Variants in CENATAC observed in about 807,000 individuals in gnomAD.
CENATAC encodes coiled-coil domain containing 84.
CENATAC carries 53 observed loss-of-function variants against 53.7 expected under a neutral mutation model. That is an observed-to-expected ratio of 0.99 (90% CI 0.79 to 1.24). The LOEUF is 1.24. Ranked by LOEUF, CENATAC falls within the 50% of genes most tolerant of loss-of-function variation. CENATAC has a pLI of 0.00. For synonymous variants in CENATAC, 156 were observed against 144.6 expected (o/e 1.08, Z -0.57); for missense variants, 474 against 417.8 (o/e 1.13, Z -1.17).
At chr11:119,004,129 G>A (rs1203315259) in intron 3 of CENATAC, among the ~76,000 whole-genome samples, 1 of 152,164 alleles carries the variant, frequency 6.6e-6, no homozygotes, top group Non-Finnish European at 1.5e-5. Context: ...TTACTCAAAG[G>A]CATCATGAGT....
Position 119,012,223 on chromosome 11 carries a change from C to A in CENATAC, c.653C>A (p.Thr218Lys), listed in dbSNP as rs1390891414. 6.2e-7 allele frequency: 1 copy of A among 1,614,120 alleles called. No homozygotes were observed. Among genetic ancestry groups the A allele is most frequent in the Non-Finnish European group, 8.5e-7 (1 of 1,180,018 alleles). ...GCTCCAGAGCTTGACTGGATGGAGA[C>A]AGGACCATCTCTGACATTCATTGGC... ...PPAPELDWME[T>K]GPSLTFIGHQ... The change falls in exon 7 of 11, where the codon ACA (threonine) becomes AAA (lysine). Residue 218 changes from threonine (T) to lysine (K), a missense_variant. By Grantham distance (78) the Thr-to-Lys change is moderately conservative (BLOSUM62 -1). Coordinates refer to ENST00000334418, the MANE Select transcript of CENATAC (RefSeq NM_198489.3).
chr11:119,014,890 C>T (rs1471141627), intron 8 of CENATAC, 104 bp from the exon 9 acceptor site: 1 of 731,210 alleles, frequency 1.4e-6, no homozygotes, highest in East Asian at 2.7e-5. Context: ...TGCTTTTAGA[C>T]ATTTCTAGCT....
Position 119,012,193 on chromosome 11 carries a change from C to T in CENATAC, c.623C>T (p.Pro208Leu). Residue 208 changes from proline (P) to leucine (L), a missense_variant, in exon 7 of 11, where the codon CCA becomes CTA. Physicochemically the swap from Pro to Leu is moderately conservative, Grantham distance 98 (BLOSUM62 -3). Transcript: ENST00000334418. ...SLQQPSNLDL[P>L]PAPELDWMET... ...CAGCAGCCCTCAAATTTGGACCTGC[C>T]ACCAGCTCCAGAGCTTGACTGGATG... 1 of 1,614,122 alleles carries T rather than the reference C, an allele frequency of 6.2e-7. No individual in the cohort carries two copies. Among genetic ancestry groups the T allele is most frequent in the Non-Finnish European group, 8.5e-7 (1 of 1,180,010 alleles).
intron 2 of CENATAC, among the ~76,000 whole-genome samples, chr11:118,998,799 C>T (rs535588770): frequency 5.3e-4 from 81 of 152,224 alleles, no homozygotes; most frequent in Non-Finnish European, 9.4e-4. Flanking sequence ...TGCGAGAGCC[C>T]GCTTGGTTAC....
intron 3 of CENATAC, among the ~76,000 whole-genome samples, chr11:119,005,294 G>A (rs1445668693): frequency 1.3e-5 from 2 of 151,646 alleles, no homozygotes; most frequent in Non-Finnish European, 2.9e-5. Flanking sequence ...GTGAAACCCC[G>A]TCTCTACTAA....
chr11:119,014,906 TGAG>T (rs954904171), intron 8 of CENATAC, 85 bp from the exon 9 acceptor site: 51 of 848,292 alleles, frequency 6.0e-5, no homozygotes, highest in Admixed American at 4.6e-4. Flanking sequence ...TAGCTCTTAA[TGAG>T]GAGAGGTAAG....
At chr11:119,000,975 A>G (rs2134521730) in intron 3 of CENATAC, among the ~76,000 whole-genome samples, 1 of 152,192 alleles carries the variant, frequency 6.6e-6, no homozygotes, top group East Asian at 1.9e-4. Flanking sequence ...GTAGATCCTA[A>G]TCTACAGTAC....
intron 3 of CENATAC, among the ~76,000 whole-genome samples, chr11:119,002,319 G>T (rs1254557185): frequency 6.7e-6 from 1 of 148,766 alleles, no homozygotes; most frequent in Non-Finnish European, 1.5e-5. Context: ...AAAATGTTTA[G>T]AGTTGATAGG....
At chr11:119,008,339 TAATAAG>T (rs1942703882) in intron 3 of CENATAC, among the ~76,000 whole-genome samples, 1 of 152,174 alleles carries the variant, frequency 6.6e-6, no homozygotes, top group Non-Finnish European at 1.5e-5. Flanking sequence ...AGCAGGGTGA[TAATAAG>T]GAGAAGGTCA....
chr11:118,999,085 T>C lies in CENATAC; in HGVS notation c.359T>C (p.Leu120Pro). The C allele has an allele frequency of 6.2e-7, 1 of 1,614,084 alleles. No individual in the cohort carries two copies. Among genetic ancestry groups the C allele is most frequent in the Non-Finnish European group, 8.5e-7 (1 of 1,179,922 alleles). ...GAGGTCCAGATGAAAGAGAAGTTTCTGGTCACTCCCCAGGATTATGCGCGG... is the reference window on the plus strand; with the variant it reads ...GAGGTCCAGATGAAAGAGAAGTTTCCGGTCACTCCCCAGGATTATGCGCGG... ...KAEVQMKEKF[L>P]VTPQDYARFK... Residue 120 changes from leucine (L) to proline (P), a missense_variant, in exon 3 of 11, where the codon CTG becomes CCG. Coordinates refer to ENST00000334418, the MANE Select transcript of CENATAC (RefSeq NM_198489.3).
chr11:119,015,440 G>C lies in CENATAC; in HGVS notation c.938+1G>C, dbSNP rs781888131. 3.2e-5 allele frequency: 51 copies of C among 1,613,954 alleles called. No individual in the cohort carries two copies. The highest frequency in any genetic ancestry group is 3.9e-5 in the Non-Finnish European group (46 of 1,179,922). On this transcript the variant is annotated splice_donor_variant, in intron 10 of 10. Coordinates refer to ENST00000334418, the MANE Select transcript of CENATAC (RefSeq NM_198489.3). LOFTEE classifies it high-confidence loss of function. ...ATAATGGACGCCGCTGGCAGTCCAGGTATGTGTGTTCAGTGCCGGGTCTCC... is the reference window on the plus strand; with the variant it reads ...ATAATGGACGCCGCTGGCAGTCCAGCTATGTGTGTTCAGTGCCGGGTCTCC...
At chr11:119,001,864 C>G in intron 3 of CENATAC, 1 of 320,094 alleles carries the variant, frequency 3.1e-6, no homozygotes, top group Non-Finnish European at 6.3e-6. Flanking sequence ...TGAGGCCATC[C>G]TGGGCAGTGT....
At chr11:119,008,529 G>C (rs1942715855) in intron 3 of CENATAC, among the ~76,000 whole-genome samples, 1 of 152,206 alleles carries the variant, frequency 6.6e-6, no homozygotes, top group African/African-American at 2.4e-5. Flanking sequence ...CCACAGGGCA[G>C]CTTTTCTCCC....
intron 3 of CENATAC, among the ~76,000 whole-genome samples, chr11:119,000,188 T>C (rs1942221244): frequency 6.6e-6 from 1 of 152,262 alleles, no homozygotes; most frequent in Non-Finnish European, 1.5e-5. Flanking sequence ...TCTAAAATTA[T>C]CAAACCATCC....
chr11:118,999,514 A>G (rs1039472861), intron 3 of CENATAC, among the ~76,000 whole-genome samples: 1 of 152,200 alleles, frequency 6.6e-6, no homozygotes, highest in Admixed American at 6.5e-5. Context: ...GCTGGAGTGC[A>G]ATGGCACAAT....
chr11:119,008,907 C>T (rs1396925058), intron 3 of CENATAC, among the ~76,000 whole-genome samples: 1 of 152,206 alleles, frequency 6.6e-6, no homozygotes, highest in Non-Finnish European at 1.5e-5. Flanking sequence ...ACGTCCTACA[C>T]AGCCCTAGGT....
intron 10 of CENATAC, 45 bp downstream of exon 10, chr11:119,015,484 C>T (rs564581029): frequency 6.2e-7 from 1 of 1,613,924 alleles, no homozygotes; most frequent in African/African-American, 1.3e-5. Flanking sequence ...CATCCAACCT[C>T]CTTTTTGGAG....
At chr11:119,014,898 G>C in intron 8 of CENATAC, 96 bp from the exon 9 acceptor site, 2 of 790,262 alleles carry the variant, frequency 2.5e-6, no homozygotes, top group Non-Finnish European at 4.0e-6. Context: ...GACATTTCTA[G>C]CTCTTAATGA....
intron 3 of CENATAC, among the ~76,000 whole-genome samples, chr11:118,999,559 A>G (rs1262345668): frequency 6.6e-6 from 1 of 152,164 alleles, no homozygotes; most frequent in Non-Finnish European, 1.5e-5. Flanking sequence ...CCTGGATTCA[A>G]GTGATTCTCT....
Sources: allele counts gnomAD v4.1 joint callset (sites outside exome capture counted in the v4.1 genomes callset), GRCh38; gene constraint gnomAD v4.1.1; transcripts MANE v1.5; gene names NCBI Gene and HGNC (gene_info 2026-07-23, HGNC 2026-07-21).